AGBL1: variants seen among roughly 807,000 people sequenced by gnomAD.
AGBL1 encodes the protein AGBL carboxypeptidase 1.
AGBL1 carries 130 observed loss-of-function variants against 118.9 expected under a neutral mutation model. The ratio of observed to expected loss-of-function variants is 1.09; its 90% CI spans 0.95 to 1.26. The LOEUF is 1.26. AGBL1 is among the 50% of genes most tolerant of loss of function. The pLI is 0.00. For missense variants in AGBL1, 1,584 were observed against 1,298.1 expected, an observed-to-expected ratio of 1.22 and a Z score of -3.38; for synonymous variants, 555 against 478.9, an observed-to-expected ratio of 1.16 and a Z score of -2.08.
chr15:86,267,133 A>G, intron 13 of AGBL1, 57 bp downstream of exon 13: 1 of 1,283,888 alleles, frequency 7.8e-7, no homozygotes, highest in Non-Finnish European at 1.1e-6. Context: ...GCAAGCTGTG[A>G]CTATCTCTTC....
intron 21 of AGBL1, among the ~76,000 whole-genome samples, chr15:86,659,813 C>T (rs534676511): frequency 6.6e-6 from 1 of 152,198 alleles, no homozygotes; most frequent in Non-Finnish European, 1.5e-5. Context: ...GTTTTGCCTG[C>T]TGGGGTTTCC....
chr15:86,803,643 A>G (rs935119405), intron 22 of AGBL1, among the ~76,000 whole-genome samples: 5 of 152,146 alleles, frequency 3.3e-5, no homozygotes, highest in African/African-American at 1.2e-4. Context: ...GTGATTTGGA[A>G]TCTCCTAAAT....
intron 5 of AGBL1, among the ~76,000 whole-genome samples, chr15:86,216,707 C>G (rs1195006189): frequency 2.0e-5 from 3 of 152,222 alleles, no homozygotes; most frequent in Middle Eastern, 6.8e-3. Flanking sequence ...CTCTTGTCTT[C>G]CTAGTCCTTT....
intron 17 of AGBL1, among the ~76,000 whole-genome samples, chr15:86,388,786 C>T (rs1387890920): frequency 6.6e-6 from 1 of 152,146 alleles, no homozygotes; most frequent in Non-Finnish European, 1.5e-5. Context: ...GCCTTATAAG[C>T]AAGATAGTGA....
intron 24 of AGBL1, among the ~76,000 whole-genome samples, chr15:87,021,023 A>G (rs1002018499): frequency 7.2e-5 from 11 of 152,186 alleles, no homozygotes; most frequent in African/African-American, 2.7e-4. Context: ...TGAAACCAAA[A>G]AAGAGCCCAT....
At chr15:86,578,188 C>T (rs183771913) in intron 21 of AGBL1, among the ~76,000 whole-genome samples, 162 of 152,304 alleles carry the variant, frequency 1.1e-3, no homozygotes, top group African/African-American at 3.5e-3. Flanking sequence ...ACCATGGAAA[C>T]GCACCTCTTG....
In AGBL1 at chr15:86,993,946, A is replaced by G. The variant is rs370285855; in HGVS notation, c.3323+5858A>G. 6.6e-5 allele frequency among the ~76,000 whole-genome samples: 10 copies of G among 152,224 alleles called. No individual in the cohort carries two copies. In the East Asian group the frequency reaches 1.7e-3, roughly 26 times the overall value. Reference sequence around the variant, plus strand: ...AATTAGAGATATTGATCCAAACCTGAGTTCTACAGGAGATCCTTTCCCATC... The same window carrying G: ...AATTAGAGATATTGATCCAAACCTGGGTTCTACAGGAGATCCTTTCCCATC... On this transcript the variant is annotated intron_variant, in intron 24 of 24. Transcript: ENST00000441037.
intron 21 of AGBL1, among the ~76,000 whole-genome samples, chr15:86,661,466 A>G (rs2085538654): frequency 6.6e-6 from 1 of 151,864 alleles, no homozygotes; most frequent in African/African-American, 2.4e-5. Flanking sequence ...GGCTCTCACA[A>G]TTATTTGCTG....
chr15:86,509,155 T>C (rs2142174369), intron 18 of AGBL1, among the ~76,000 whole-genome samples: 1 of 152,282 alleles, frequency 6.6e-6, no homozygotes, highest in Admixed American at 6.5e-5. Flanking sequence ...CATACACTTT[T>C]CACCATTTTT....
intron 22 of AGBL1, among the ~76,000 whole-genome samples, chr15:86,884,418 T>C (rs1215244714): frequency 6.6e-6 from 1 of 152,240 alleles, no homozygotes; most frequent in African/African-American, 2.4e-5. Flanking sequence ...GAATTTTCCA[T>C]TCATTGTTTT....
chr15:86,244,792 G>A (rs964172230), intron 6 of AGBL1, among the ~76,000 whole-genome samples: 1 of 152,178 alleles, frequency 6.6e-6, no homozygotes, highest in Non-Finnish European at 1.5e-5. Context: ...CCTGTGAACT[G>A]TTGTTCTGGC....
rs147889703 is a variant in AGBL1, at chr15:86,965,319, C to T, written c.3222-22668C>T. Among the ~76,000 whole-genome samples, 204 of 152,176 alleles carry T rather than the reference C, an allele frequency of 1.3e-3. 4 individuals carry two copies. The East Asian group carries it at 0.031, about 23-fold the overall frequency. On this transcript the variant is annotated intron_variant, in intron 23 of 24. Coordinates refer to the AGBL1 transcript ENST00000441037. ...CTGTTTCCTGACTTTTTAATGATTG[C>T]CATTCTAACTGGTGTGAGATGGTAT...
At chr15:86,923,568 A>G (rs1029541860) in intron 23 of AGBL1, among the ~76,000 whole-genome samples, 9 of 152,220 alleles carry the variant, frequency 5.9e-5, no homozygotes, top group Admixed American at 2.6e-4. Context: ...TTATTATGCA[A>G]TTAACTATAT....
chr15:86,081,211 T>G (rs1895260105), intron 1 of AGBL1, among the ~76,000 whole-genome samples: 1 of 152,004 alleles, frequency 6.6e-6, no homozygotes. Context: ...GCCTGGCTAA[T>G]TTTTTGTATT....
chr15:86,093,478 A>G (rs938216433), intron 1 of AGBL1, among the ~76,000 whole-genome samples: 18 of 152,314 alleles, frequency 1.2e-4, no homozygotes, highest in African/African-American at 4.3e-4. Context: ...AATACTGCAC[A>G]TAGAATGTAA....
chr15:86,158,000 A>G (rs756786489), intron 4 of AGBL1, among the ~76,000 whole-genome samples: 1 of 152,178 alleles, frequency 6.6e-6, no homozygotes, highest in African/African-American at 2.4e-5. Context: ...TTTTTTAATT[A>G]CTTGCCAAGA....
chr15:86,152,074 G>C (rs530824879), intron 3 of AGBL1, among the ~76,000 whole-genome samples: 2 of 152,144 alleles, frequency 1.3e-5, no homozygotes, highest in African/African-American at 4.8e-5. Flanking sequence ...AATCAATATC[G>C]TGAAAATGGC....
At chr15:86,144,937 A>T (rs1040879569) in intron 3 of AGBL1, among the ~76,000 whole-genome samples, 3 of 152,202 alleles carry the variant, frequency 2.0e-5, no homozygotes, top group Admixed American at 1.3e-4. Context: ...GAAGTCCAAA[A>T]TCAAGGTGTT....
chr15:86,595,558 C>T lies in AGBL1; in HGVS notation c.2994+41021C>T, dbSNP rs149343722. ...ACTTTTCACCATGTCATTATATTAT[C>T]AACTATTATCTCCTCTCACCCTCTC... is the stretch of plus-strand genomic sequence containing the variant. On this transcript the variant is annotated intron_variant, in intron 21 of 22. Transcript: ENST00000614907. Among the ~76,000 whole-genome samples, 25 of 152,220 alleles carry T rather than the reference C, an allele frequency of 1.6e-4. No homozygotes were observed. The East Asian group carries it at 4.6e-3, about 28-fold the overall frequency.
Sources: allele counts gnomAD v4.1 joint callset (sites outside exome capture counted in the v4.1 genomes callset), GRCh38; gene constraint gnomAD v4.1.1; transcripts MANE v1.5; gene names NCBI Gene and HGNC (gene_info 2026-07-23, HGNC 2026-07-21).